GRM8: variants seen among roughly 807,000 people sequenced by gnomAD.
GRM8 encodes glutamate metabotropic receptor 8, also known as metabotropic glutamate receptor 8.
A neutral mutation model predicts 87.2 loss-of-function variants in GRM8; 47 were observed. That is an observed-to-expected ratio of 0.54 (90% confidence interval 0.43 to 0.69). GRM8 has a LOEUF of 0.69. Ranked by LOEUF, GRM8 falls within the 30% of genes least tolerant of loss-of-function variation. The pLI, the probability that GRM8 is intolerant of heterozygous loss-of-function variation, is 0.00. For missense variants in GRM8, 1,019 were observed against 1,139.2 expected (o/e 0.89, Z 1.52); for synonymous variants, 396 against 404.5 (o/e 0.98, Z 0.25).
At chr7:127,126,467 C>T (rs1006975619) in intron 2 of GRM8, among the ~76,000 whole-genome samples, 3 of 151,742 alleles carry the variant, frequency 2.0e-5, no homozygotes, top group African/African-American at 7.3e-5. Flanking sequence ...CTAGTACCCT[C>T]AGAAGGGTTG....
intron 2 of GRM8, among the ~76,000 whole-genome samples, chr7:127,225,361 G>A (rs1032546538): frequency 6.6e-6 from 1 of 152,178 alleles, no homozygotes; most frequent in East Asian, 1.9e-4. Context: ...GTGGCTCCTT[G>A]TCAAGGCTCA....
chr7:126,859,066 G>T (rs1020368645), intron 6 of GRM8, among the ~76,000 whole-genome samples: 11 of 151,734 alleles, frequency 7.2e-5, no homozygotes, highest in African/African-American at 1.7e-4. Flanking sequence ...CAGCAGGGTT[G>T]GTTTCCATCA....
At chr7:127,164,020 AGGT>A (rs1793288681) in intron 2 of GRM8, among the ~76,000 whole-genome samples, 1 of 152,096 alleles carries the variant, frequency 6.6e-6, no homozygotes, top group South Asian at 2.1e-4. Flanking sequence ...GCCTGGCAGG[AGGT>A]GATTAGATCT....
chr7:127,116,411 C>T (rs17864133), intron 2 of GRM8, among the ~76,000 whole-genome samples: 2,129 of 152,278 alleles, frequency 0.014, 19 homozygotes, highest in Non-Finnish European at 0.022. Flanking sequence ...ATGCCAGACA[C>T]GGTGACAGGC....
chr7:126,574,227 A>G (rs1794924779), intron 8 of GRM8, among the ~76,000 whole-genome samples: 1 of 152,218 alleles, frequency 6.6e-6, no homozygotes, highest in South Asian at 2.1e-4. Flanking sequence ...AACCATAGCT[A>G]TTGGTTTAAT....
chr7:126,443,022 G>C lies in GRM8; in HGVS notation c.2677+3104C>G, dbSNP rs548061273. ...GAGTTCATAGGGAGATGTTTTTCACGGTGCTGATGAATATGCTCATATGAA... is the reference window on the plus strand; with the variant it reads ...GAGTTCATAGGGAGATGTTTTTCACCGTGCTGATGAATATGCTCATATGAA... On this transcript the variant is annotated intron_variant, in intron 10 of 10. Coordinates refer to ENST00000339582, the MANE Select transcript of GRM8 (RefSeq NM_000845.3). Among the ~76,000 whole-genome samples the C allele has an allele frequency of 2.6e-5, 4 of 151,926 alleles. No individual in the cohort carries two copies. The South Asian group carries it at 8.3e-4, about 31-fold the overall frequency.
chr7:126,528,952 G>T (rs1289030902), intron 9 of GRM8, among the ~76,000 whole-genome samples: 1 of 152,074 alleles, frequency 6.6e-6, no homozygotes, highest in East Asian at 1.9e-4. Flanking sequence ...CTGCCCCTAA[G>T]GTAGATAAAT....
chr7:127,185,198 T>C (rs1168570243), intron 2 of GRM8, among the ~76,000 whole-genome samples: 2 of 151,904 alleles, frequency 1.3e-5, no homozygotes, highest in Admixed American at 1.3e-4. Context: ...AATAGGCAAT[T>C]TCAAAACTTA....
At position 126,610,617 on chromosome 7, in the gene GRM8, T is replaced by G. The variant is rs563835950; in HGVS notation, c.1358-1119A>C. Among the ~76,000 whole-genome samples the G allele has an allele frequency of 3.3e-5, 5 of 152,330 alleles. No individual in the cohort carries two copies. The South Asian group carries it at 1.0e-3, about 32-fold the overall frequency. On this transcript the variant is annotated intron_variant, in intron 7 of 10. Coordinates refer to ENST00000339582, the MANE Select transcript of GRM8 (RefSeq NM_000845.3). ...ATCTTATAATGAGCTTCTTATTCTA[T>G]CTGTAGAGTTGTTTACCTAATTACC... is the stretch of plus-strand genomic sequence containing the variant.
intron 3 of GRM8, among the ~76,000 whole-genome samples, chr7:127,016,846 C>A (rs1301580235): frequency 6.6e-6 from 1 of 151,998 alleles, no homozygotes; most frequent in Non-Finnish European, 1.5e-5. Context: ...GTTTTGACTA[C>A]AAATACTAAA....
At chr7:126,828,606 TTTA>T (rs2130353989) in intron 6 of GRM8, among the ~76,000 whole-genome samples, 1 of 152,300 alleles carries the variant, frequency 6.6e-6, no homozygotes, top group Non-Finnish European at 1.5e-5. Flanking sequence ...TCTTTTTTTC[TTTA>T]TTAGTCTTGC....
intron 3 of GRM8, among the ~76,000 whole-genome samples, chr7:126,995,583 G>A (rs1813101729): frequency 6.6e-6 from 1 of 152,212 alleles, no homozygotes; most frequent in Non-Finnish European, 1.5e-5. Flanking sequence ...GAATGTCTTA[G>A]AGTCTCTTAA....
At chr7:126,475,481 G>A (rs562377176) in intron 9 of GRM8, among the ~76,000 whole-genome samples, 14 of 152,048 alleles carry the variant, frequency 9.2e-5, no homozygotes, top group South Asian at 2.1e-4. Flanking sequence ...CAAAAAAGTT[G>A]AAAGAGAGTC....
intron 3 of GRM8, among the ~76,000 whole-genome samples, chr7:126,979,560 T>C (rs1410962711): frequency 6.6e-6 from 1 of 152,232 alleles, no homozygotes; most frequent in East Asian, 1.9e-4. Context: ...TTATCGTTCA[T>C]GTGGTACAAA....
chr7:126,529,811 T>C (rs1031789495), intron 9 of GRM8, among the ~76,000 whole-genome samples: 7 of 152,208 alleles, frequency 4.6e-5, no homozygotes, highest in African/African-American at 1.7e-4. Flanking sequence ...AATCACATTT[T>C]AATTTTTTTC....
intron 2 of GRM8, among the ~76,000 whole-genome samples, chr7:127,160,722 G>T (rs749672883): frequency 1.3e-5 from 2 of 152,128 alleles, no homozygotes; most frequent in Non-Finnish European, 2.9e-5. Flanking sequence ...AAGCCTCTAG[G>T]CTACAGGATG....
intron 3 of GRM8, among the ~76,000 whole-genome samples, chr7:126,996,475 C>CTAAA (rs1315048977): frequency 6.6e-6 from 1 of 151,808 alleles, no homozygotes; most frequent in Non-Finnish European, 1.5e-5. Flanking sequence ...TGTAAATGAA[C>CTAAA]TAAACTCTGT....
At chr7:127,161,095 T>A (rs1793083744) in intron 2 of GRM8, among the ~76,000 whole-genome samples, 1 of 152,142 alleles carries the variant, frequency 6.6e-6, no homozygotes, top group African/African-American at 2.4e-5. Flanking sequence ...ATCATACACT[T>A]AAAATTTTTA....
At chr7:126,519,706 AAAG>A (rs757807600) in intron 9 of GRM8, among the ~76,000 whole-genome samples, 5 of 152,276 alleles carry the variant, frequency 3.3e-5, no homozygotes, top group East Asian at 1.9e-4. Flanking sequence ...AAGAAGTGAC[AAAG>A]AAGAAGTGTT....
Sources: allele counts gnomAD v4.1 joint callset (sites outside exome capture counted in the v4.1 genomes callset), GRCh38; gene constraint gnomAD v4.1.1; transcripts MANE v1.5; gene names NCBI Gene and HGNC (gene_info 2026-07-23, HGNC 2026-07-21).